SLC39A11: variants seen among roughly 807,000 people sequenced by gnomAD.
SLC39A11 encodes the protein solute carrier family 39 member 11.
SLC39A11 carries 33 observed loss-of-function variants against 36.1 expected under a neutral mutation model. The observed-to-expected ratio is 0.91, with a 90% CI of 0.69 to 1.22. The LOEUF is 1.22. SLC39A11 is among the 50% of genes most tolerant of loss of function. The pLI is 0.00. For missense variants in SLC39A11, 432 were observed against 430.3 expected (o/e 1.00, Z -0.03); for synonymous variants, 166 against 170.3 (o/e 0.97, Z 0.20).
At chr17:72,922,364 T>C (rs1280514277) in intron 5 of SLC39A11, among the ~76,000 whole-genome samples, 3 of 152,202 alleles carry the variant, frequency 2.0e-5, no homozygotes, top group Admixed American at 1.3e-4. Flanking sequence ...CCAGAACATA[T>C]AGTGCTCTGT....
At chr17:73,082,779 G>C (rs1010509928) in intron 3 of SLC39A11, among the ~76,000 whole-genome samples, 1 of 152,066 alleles carries the variant, frequency 6.6e-6, no homozygotes, top group Admixed American at 6.5e-5. Flanking sequence ...GGAAGGCCGA[G>C]TTGGGTAGAC....
intron 5 of SLC39A11, among the ~76,000 whole-genome samples, chr17:72,936,033 C>A (rs1394882848): frequency 6.6e-6 from 1 of 152,082 alleles, no homozygotes; most frequent in African/African-American, 2.4e-5. Flanking sequence ...CCTGTCCCTA[C>A]TGAAAAATAC....
chr17:72,850,871 T>C (rs2079277468), intron 5 of SLC39A11, among the ~76,000 whole-genome samples: 2 of 152,154 alleles, frequency 1.3e-5, no homozygotes. Context: ...TATGTGACCC[T>C]GCTCTCCTGG....
At position 72,934,025 on chromosome 17, in the gene SLC39A11, C is replaced by G. The variant is rs138482353; in HGVS notation, c.430+13727G>C. 1.2e-3 allele frequency among the ~76,000 whole-genome samples: 184 copies of G among 151,326 alleles called. 1 individual carries two copies. Among genetic ancestry groups the G allele is most frequent in the African/African-American group, 4.2e-3 (173 of 41,288 alleles). On this transcript the variant is annotated intron_variant, in intron 5 of 9. Transcript: ENST00000255559. Reference sequence around the variant, plus strand: ...AAATGCTGCTGGGACAATTTAACATCCATATGAAAAAAAAAAACTCAACCT... The same window carrying G: ...AAATGCTGCTGGGACAATTTAACATGCATATGAAAAAAAAAAACTCAACCT...
At chr17:72,762,362 G>C (rs1598617840) in intron 6 of SLC39A11, among the ~76,000 whole-genome samples, 1 of 152,186 alleles carries the variant, frequency 6.6e-6, no homozygotes, top group East Asian at 1.9e-4. Context: ...AGCATGCTAA[G>C]AGACACTCCC....
chr17:72,987,725 C>A (rs1323420999), intron 4 of SLC39A11, among the ~76,000 whole-genome samples: 1 of 152,160 alleles, frequency 6.6e-6, no homozygotes, highest in Non-Finnish European at 1.5e-5. Flanking sequence ...CACACCAAGT[C>A]TTTCTCCACT....
At chr17:72,665,155 A>T (rs1191640524) in intron 7 of SLC39A11, among the ~76,000 whole-genome samples, 2 of 152,280 alleles carry the variant, frequency 1.3e-5, no homozygotes, top group Middle Eastern at 3.4e-3. Context: ...GGAGGTGCCT[A>T]CATGATGAGG....
chr17:72,903,832 A>C (rs1385456409), intron 5 of SLC39A11, among the ~76,000 whole-genome samples: 1 of 152,120 alleles, frequency 6.6e-6, no homozygotes, highest in Non-Finnish European at 1.5e-5. Flanking sequence ...TCCTCCCAGA[A>C]CCGGAAAACT....
chr17:72,802,688 G>A (rs1205038606), intron 6 of SLC39A11, among the ~76,000 whole-genome samples: 1 of 152,160 alleles, frequency 6.6e-6, no homozygotes, highest in Non-Finnish European at 1.5e-5. Context: ...GGAGGCATGT[G>A]TATGGGGCGT....
chr17:72,918,945 C>A (rs909922430), intron 5 of SLC39A11, among the ~76,000 whole-genome samples: 3 of 152,118 alleles, frequency 2.0e-5, no homozygotes, highest in Non-Finnish European at 2.9e-5. Flanking sequence ...TACCCATAAT[C>A]CCAACTACTC....
chr17:72,840,100 T>G (rs1054354002), intron 6 of SLC39A11, among the ~76,000 whole-genome samples: 2 of 147,054 alleles, frequency 1.4e-5, no homozygotes, highest in African/African-American at 5.0e-5. Flanking sequence ...AACATTTTCA[T>G]GTCTAAATTT....
intron 5 of SLC39A11, among the ~76,000 whole-genome samples, chr17:72,852,710 T>A (rs554062754): frequency 6.6e-6 from 1 of 152,134 alleles, no homozygotes; most frequent in South Asian, 2.1e-4. Flanking sequence ...GGGGAAGGGG[T>A]TTTATACATT....
At chr17:72,893,612 T>A (rs2081875255) in intron 5 of SLC39A11, among the ~76,000 whole-genome samples, 1 of 152,006 alleles carries the variant, frequency 6.6e-6, no homozygotes, top group Non-Finnish European at 1.5e-5. Context: ...TCTTCCCGAG[T>A]CTGCAGGCCA....
intron 7 of SLC39A11, among the ~76,000 whole-genome samples, chr17:72,733,289 G>A (rs1191032783): frequency 6.6e-6 from 1 of 152,204 alleles, no homozygotes; most frequent in African/African-American, 2.4e-5. Context: ...TGTTTGTGGT[G>A]GGACATCCAT....
intron 3 of SLC39A11, among the ~76,000 whole-genome samples, chr17:73,041,274 G>A (rs2059106484): frequency 1.3e-5 from 2 of 152,200 alleles, no homozygotes; most frequent in Non-Finnish European, 2.9e-5. Flanking sequence ...GGACATGGCA[G>A]CCACATTTTG....
intron 7 of SLC39A11, among the ~76,000 whole-genome samples, chr17:72,715,904 C>G (rs1420544455): frequency 6.6e-6 from 1 of 152,000 alleles, no homozygotes; most frequent in Non-Finnish European, 1.5e-5. Context: ...ACCATGTTGG[C>G]CAGGCTGGAC....
intron 4 of SLC39A11, among the ~76,000 whole-genome samples, chr17:73,004,214 A>AGCAAAGAAAGAAAG (rs1568105777): frequency 7.7e-6 from 1 of 129,876 alleles, no homozygotes; most frequent in African/African-American, 2.8e-5. Flanking sequence ...AAAGAAAGAA[A>AGCAAAGAAAGAAAG]GAAAGAAAGA....
intron 3 of SLC39A11, among the ~76,000 whole-genome samples, chr17:73,047,220 T>C (rs1599012812): frequency 1.3e-5 from 2 of 151,624 alleles, no homozygotes; most frequent in Admixed American, 1.3e-4. Flanking sequence ...CAGATGGGGT[T>C]GCACCGTGTT....
chr17:73,018,139 G>T (rs1248449819), intron 4 of SLC39A11, among the ~76,000 whole-genome samples: 1 of 152,160 alleles, frequency 6.6e-6, no homozygotes, highest in African/African-American at 2.4e-5. Flanking sequence ...ACAGGATCAA[G>T]TTGAACCACC....
Sources: gnomAD v4.1 joint callset for allele counts (sites outside exome capture counted in the v4.1 genomes callset) on GRCh38, gnomAD v4.1.1 for gene constraint, MANE v1.5 for transcripts, NCBI Gene and HGNC (gene_info 2026-07-23, HGNC 2026-07-21) for gene names.